Variants in PPP1R14C observed in about 807,000 individuals in gnomAD.
PPP1R14C encodes protein phosphatase 1 regulatory subunit 14C.
Under a neutral mutation model 20.4 loss-of-function variants are expected in PPP1R14C, and 16 were observed. That is an observed-to-expected ratio of 0.78 (90% CI 0.53 to 1.19). PPP1R14C has a LOEUF of 1.19. Among genes scored for constraint, PPP1R14C ranks in the 50% most tolerant of loss-of-function variants. The pLI is 0.00. For missense variants in PPP1R14C, 211 were observed against 220.1 expected, an observed-to-expected ratio of 0.96 and a Z score of 0.26; for synonymous variants, 91 against 91.0, an observed-to-expected ratio of 1.00 and a Z score of 0.00.
intron 3 of PPP1R14C, among the ~76,000 whole-genome samples, chr6:150,244,384 T>A (rs1475986575): frequency 4.6e-5 from 7 of 152,366 alleles, no homozygotes; most frequent in Admixed American, 1.3e-4. Flanking sequence ...CACATTCTCT[T>A]GGGTTTTTCC....
At chr6:150,160,132 T>A (rs1437750770) in intron 1 of PPP1R14C, among the ~76,000 whole-genome samples, 1 of 152,168 alleles carries the variant, frequency 6.6e-6, no homozygotes, top group Non-Finnish European at 1.5e-5. Flanking sequence ...CGTGGCTTAT[T>A]ACTGTTGATA....
At chr6:150,187,229 C>A (rs1459563539) in intron 1 of PPP1R14C, among the ~76,000 whole-genome samples, 3 of 147,874 alleles carry the variant, frequency 2.0e-5, no homozygotes. Context: ...ATCTGCCCAC[C>A]TTGGCCTTTC....
chr6:150,189,900 G>A (rs1421894535), intron 1 of PPP1R14C, among the ~76,000 whole-genome samples: 1 of 151,936 alleles, frequency 6.6e-6, no homozygotes, highest in African/African-American at 2.4e-5. Context: ...CTTTTAAATG[G>A]GTCACATAAA....
intron 1 of PPP1R14C, among the ~76,000 whole-genome samples, chr6:150,209,841 T>TTGTG (rs148237324): frequency 0.06 from 8,651 of 143,748 alleles, 345 homozygotes; most frequent in African/African-American, 0.12. Context: ...GTGTATATAT[T>TTGTG]TGTGTGTGTG....
At position 150,160,524 on chromosome 6, in the gene PPP1R14C, C is replaced by T. The variant is rs892602252; in HGVS notation, c.306+17026C>T. ...TCCTGACCTCATGATCCACCCGCCT[C>T]GGCCTCCCAAAGTGCTGGGATTACA... On this transcript the variant is annotated intron_variant, in intron 1 of 3. Transcript: ENST00000361131. Among the ~76,000 whole-genome samples the T allele has an allele frequency of 2.6e-5, 4 of 151,696 alleles. No homozygotes were observed. In the South Asian group the frequency reaches 6.2e-4, roughly 24 times the overall value.
Position 150,201,043 on chromosome 6 carries a change from G to A in PPP1R14C, c.307-13701G>A, listed in dbSNP as rs1317591472. On this transcript the variant is annotated intron_variant, in intron 1 of 3. Coordinates refer to ENST00000361131, the MANE Select transcript of PPP1R14C (RefSeq NM_030949.3). This position sits in a 1 kb window ranked among gnomAD's most constrained non-coding sequence, Gnocchi z 4.2. ...TGAAAGGCACATAGCACAAGTTGTA[G>A]GGGCCATACATTTTGAGGTCAGATT... Among the ~76,000 whole-genome samples the A allele has an allele frequency of 3.3e-5, 5 of 152,204 alleles. No individual in the cohort carries two copies. Among genetic ancestry groups the A allele is most frequent in the Non-Finnish European group, 5.9e-5 (4 of 68,034 alleles).
In PPP1R14C at chr6:150,231,309, G is replaced by A. The variant is rs185817594; in HGVS notation, c.423+14453G>A. On this transcript the variant is annotated intron_variant, in intron 3 of 3. Coordinates refer to ENST00000361131, the MANE Select transcript of PPP1R14C (RefSeq NM_030949.3). The stretch of plus-strand genomic sequence containing the variant: ...TTGCTTGTCTTTCTATTGCCTCTTC[G>A]ATGTCTCCTCTGTATTAGTATGTGT... Among the ~76,000 whole-genome samples, 166 of 152,204 alleles carry A rather than the reference G, an allele frequency of 1.1e-3. 1 individual carries two copies. The highest frequency in any genetic ancestry group is 5.3e-4 in the Non-Finnish European group (36 of 68,008).
chr6:150,233,117 A>G (rs1460256403), intron 3 of PPP1R14C, among the ~76,000 whole-genome samples: 1 of 152,216 alleles, frequency 6.6e-6, no homozygotes, highest in Non-Finnish European at 1.5e-5. Flanking sequence ...AACCAGAGCT[A>G]AAGATGAGAT....
intron 1 of PPP1R14C, among the ~76,000 whole-genome samples, chr6:150,166,516 G>T (rs898297614): frequency 8.5e-5 from 13 of 152,252 alleles, no homozygotes; most frequent in Middle Eastern, 6.8e-3. Flanking sequence ...TTTCCTCTGG[G>T]GATATGAACA....
At chr6:150,173,428 A>G (rs1255488015) in intron 1 of PPP1R14C, among the ~76,000 whole-genome samples, 2 of 151,746 alleles carry the variant, frequency 1.3e-5, no homozygotes, top group African/African-American at 4.8e-5. Context: ...TCCCTTCCCC[A>G]GATTCTCCCA....
In PPP1R14C at chr6:150,144,135, T is replaced by C. The variant is rs368301985; in HGVS notation, c.306+637T>C. Among the ~76,000 whole-genome samples, 27 of 152,288 alleles carry C rather than the reference T, an allele frequency of 1.8e-4. No individual in the cohort carries two copies. The East Asian group carries it at 4.1e-3, about 23-fold the overall frequency. ...ACGTTGTGCTTTGTTGAAGCCGTAG[T>C]TTTTCCTCTCTAAGCTCAGTTACTC... On this transcript the variant is annotated intron_variant, in intron 1 of 3. Transcript: ENST00000361131.
chr6:150,169,634 T>C (rs375042139), intron 1 of PPP1R14C, among the ~76,000 whole-genome samples: 9 of 152,334 alleles, frequency 5.9e-5, no homozygotes, highest in African/African-American at 1.9e-4. Flanking sequence ...AAGTGAATTG[T>C]GAATGAAGAA....
At chr6:150,152,094 T>A (rs998990303) in intron 1 of PPP1R14C, among the ~76,000 whole-genome samples, 6 of 129,358 alleles carry the variant, frequency 4.6e-5, no homozygotes, top group African/African-American at 1.7e-4. Flanking sequence ...CACTCCAGCC[T>A]GGGCGACAGA....
At chr6:150,159,485 G>T (rs1484938139) in intron 1 of PPP1R14C, among the ~76,000 whole-genome samples, 1 of 151,958 alleles carries the variant, frequency 6.6e-6, no homozygotes, top group Non-Finnish European at 1.5e-5. Flanking sequence ...GGCTTTCTAA[G>T]CCACTCTATC....
chr6:150,207,413 C>A (rs1777967163), intron 1 of PPP1R14C, among the ~76,000 whole-genome samples: 1 of 152,216 alleles, frequency 6.6e-6, no homozygotes, highest in Admixed American at 6.5e-5. Flanking sequence ...GGGCTGGGCC[C>A]TCGATTCGCA....
Position 150,212,060 on chromosome 6 carries a change from A to AT in PPP1R14C, c.307-2677dup, listed in dbSNP as rs1202588574. Among the ~76,000 whole-genome samples the AT allele has an allele frequency of 2.6e-5, 4 of 151,890 alleles. No homozygotes were observed. In the East Asian group the frequency reaches 7.7e-4, roughly 29 times the overall value. On this transcript the variant is annotated intron_variant, in intron 1 of 3. Transcript: ENST00000361131. ...TAGGAGTGACCTTGAGATGCCTGGC[A>AT]TTTTTTTCTTTACTCCTGTCAAGCC...
At chr6:150,177,434 G>A (rs1582905084) in intron 1 of PPP1R14C, among the ~76,000 whole-genome samples, 1 of 152,168 alleles carries the variant, frequency 6.6e-6, no homozygotes, top group South Asian at 2.1e-4. Context: ...TGACCAAAAG[G>A]CTGGGACCTG....
At chr6:150,169,759 A>T (rs1777476676) in intron 1 of PPP1R14C, among the ~76,000 whole-genome samples, 2 of 152,208 alleles carry the variant, frequency 1.3e-5, no homozygotes, top group African/African-American at 2.4e-5. Context: ...CCCACATCTT[A>T]GTGGCTTAAG....
At chr6:150,170,955 A>G (rs59334705) in intron 1 of PPP1R14C, among the ~76,000 whole-genome samples, 6 of 152,116 alleles carry the variant, frequency 3.9e-5, no homozygotes, top group African/African-American at 1.4e-4. Flanking sequence ...GAGCAGTTTT[A>G]GATTCACAGT....
Sources: gnomAD v4.1 joint callset for allele counts (sites outside exome capture counted in the v4.1 genomes callset) on GRCh38, gnomAD v4.1.1 for gene constraint, Gnocchi (gnomAD v3.1) non-coding constraint, MANE v1.5 for transcripts, NCBI Gene and HGNC (gene_info 2026-07-23, HGNC 2026-07-21) for gene names.